The following MECOM variants were observed in gnomAD, a reference collection of about 807,000 sequenced individuals.
MECOM encodes the protein MDS1 and EVI1 complex locus, also known as histone-lysine N-methyltransferase MECOM.
A neutral mutation model predicts 116.3 loss-of-function variants in MECOM; 13 were observed. That is an observed-to-expected ratio of 0.11 (90% CI 0.07 to 0.18). MECOM has a LOEUF of 0.18. Ranked by LOEUF, MECOM falls within the 10% of genes least tolerant of loss-of-function variation. The pLI is 1.00. For synonymous variants in MECOM, 528 were observed against 535.2 expected (o/e 0.99, Z 0.19); for missense variants, 1,299 against 1,509.0 (o/e 0.86, Z 2.31).
At chr3:169,322,587 T>G (rs1387359722) in intron 2 of MECOM, among the ~76,000 whole-genome samples, 3 of 152,100 alleles carry the variant, frequency 2.0e-5, no homozygotes, top group African/African-American at 7.2e-5. Context: ...AGTGAAGGAC[T>G]ATACAGTTAA....
At chr3:169,415,541 A>G (rs1241052986) in intron 1 of MECOM, among the ~76,000 whole-genome samples, 2 of 152,194 alleles carry the variant, frequency 1.3e-5, no homozygotes, top group Non-Finnish European at 2.9e-5. Flanking sequence ...TATTAACCTT[A>G]AATGCAAACG....
rs1369873020 is a variant in MECOM, at chr3:169,249,023, A to G, written c.376-105191T>C. 4.6e-5 allele frequency among the ~76,000 whole-genome samples: 7 copies of G among 152,114 alleles called. No individual in the cohort carries two copies. In the South Asian group the frequency reaches 1.4e-3, roughly 32 times the overall value. ...TTATAGGCAGGGTTCCAGGCTCTCA[A>G]TCTCACCCAAATGCCCTACCTTCCA... is the stretch of plus-strand genomic sequence containing the variant. On this transcript the variant is annotated intron_variant, in intron 2 of 16. Transcript: ENST00000651503.
Position 169,598,245 on chromosome 3 carries a change from G to A in MECOM, c.37+65091C>T, listed in dbSNP as rs114945048. 5.5e-3 allele frequency among the ~76,000 whole-genome samples: 838 copies of A among 152,286 alleles called. 9 individuals are homozygous for A. Among genetic ancestry groups the A allele is most frequent in the African/African-American group, 0.019 (779 of 41,572 alleles). On this transcript the variant is annotated intron_variant, in intron 1 of 16. Coordinates refer to ENST00000651503, the MANE Select transcript of MECOM (RefSeq NM_004991.4). ...TAAAGGTATCCAATAAACAAGCAAT[G>A]TCCTTAAATAAACTTTAAAACCAGG...
chr3:169,581,670 T>A (rs555113659), intron 1 of MECOM, among the ~76,000 whole-genome samples: 44 of 152,262 alleles, frequency 2.9e-4, no homozygotes, highest in African/African-American at 1.0e-3. Flanking sequence ...TCTGGGGAGC[T>A]GGAGGTGCTT....
chr3:169,353,203 A>G (rs1726684354), intron 2 of MECOM, among the ~76,000 whole-genome samples: 1 of 151,962 alleles, frequency 6.6e-6, no homozygotes. Context: ...CCTCCAACTC[A>G]GTTATCTGGA....
intron 2 of MECOM, among the ~76,000 whole-genome samples, chr3:169,205,050 C>A (rs1559989825): frequency 6.6e-6 from 1 of 152,142 alleles, no homozygotes; most frequent in Non-Finnish European, 1.5e-5. Flanking sequence ...GGGTTTAAAT[C>A]ACTCCCTGTC....
Position 169,381,457 on chromosome 3 carries a change from T to A in MECOM, c.105A>T (p.Val35=). Residue 35 remains valine (V), a synonymous_variant, in exon 2 of 17, where the codon GTA becomes GTT. Coordinates refer to ENST00000651503, the MANE Select transcript of MECOM (RefSeq NM_004991.4). The part of the protein sequence containing the change: ...PLEEMPDADG[V]ASTPSLNIQE... ...GAATATTGAGGGAGGGAGTGCTGGC[T>A]ACTCCATCTGCATCTGGCATTTCTT... 1 of 1,613,682 alleles carries A rather than the reference T, an allele frequency of 6.2e-7. No homozygotes were observed. The highest frequency in any genetic ancestry group is 8.5e-7 in the Non-Finnish European group (1 of 1,179,736).
At chr3:169,379,509 T>C (rs543934325) in intron 2 of MECOM, among the ~76,000 whole-genome samples, 2 of 135,652 alleles carry the variant, frequency 1.5e-5, no homozygotes, top group Admixed American at 1.6e-4. Context: ...TATTTGCCAG[T>C]GTATATGTGG....
At chr3:169,594,669 C>G (rs1766915382) in intron 1 of MECOM, among the ~76,000 whole-genome samples, 1 of 151,518 alleles carries the variant, frequency 6.6e-6, no homozygotes, top group Non-Finnish European at 1.5e-5. Context: ...CAAGGGAGAT[C>G]CAGGCCCATC....
intron 1 of MECOM, among the ~76,000 whole-genome samples, chr3:169,426,741 G>A (rs1194022552): frequency 1.3e-5 from 2 of 152,178 alleles, no homozygotes; most frequent in Non-Finnish European, 2.9e-5. Flanking sequence ...TGCACGTGGA[G>A]CAGAGAAGAT....
intron 1 of MECOM, among the ~76,000 whole-genome samples, chr3:169,509,768 C>T (rs1755727694): frequency 6.6e-6 from 1 of 152,240 alleles, no homozygotes; most frequent in African/African-American, 2.4e-5. Context: ...TGCCAATGGG[C>T]ATTTAGGTTG....
At chr3:169,409,805 G>A (rs1345314517) in intron 1 of MECOM, among the ~76,000 whole-genome samples, 1 of 152,164 alleles carries the variant, frequency 6.6e-6, no homozygotes, top group Non-Finnish European at 1.5e-5. Flanking sequence ...TGAGACAGAA[G>A]AGCATGCATC....
chr3:169,116,995 C>A (rs1480571592), intron 7 of MECOM, among the ~76,000 whole-genome samples: 1 of 151,998 alleles, frequency 6.6e-6, no homozygotes, highest in Middle Eastern at 3.2e-3. Flanking sequence ...CCCCCTTGTG[C>A]AATATTTTGC....
intron 2 of MECOM, among the ~76,000 whole-genome samples, chr3:169,320,174 G>A (rs936672181): frequency 6.6e-6 from 1 of 152,176 alleles, no homozygotes; most frequent in African/African-American, 2.4e-5. Flanking sequence ...GTATGTGCCT[G>A]TTAGGTCTTT....
chr3:169,365,159 G>A (rs1728950708), intron 2 of MECOM, among the ~76,000 whole-genome samples: 1 of 151,916 alleles, frequency 6.6e-6, no homozygotes, highest in Non-Finnish European at 1.5e-5. Flanking sequence ...CAATCCTGGG[G>A]CTCAGTGTAA....
At chr3:169,417,127 A>C (rs891475916) in intron 1 of MECOM, among the ~76,000 whole-genome samples, 2 of 151,602 alleles carry the variant, frequency 1.3e-5, no homozygotes, top group African/African-American at 4.9e-5. Flanking sequence ...TAAACTAAAG[A>C]GCTTCTGCAC....
intron 1 of MECOM, among the ~76,000 whole-genome samples, chr3:169,433,649 G>GAA (rs752260657): frequency 9.1e-5 from 11 of 121,464 alleles, no homozygotes; most frequent in Admixed American, 3.5e-4. Context: ...GAGAAAGAAA[G>GAA]AAAGAAAGAA....
intron 2 of MECOM, chr3:169,146,819 C>G: frequency 9.2e-7 from 1 of 1,092,334 alleles, no homozygotes; most frequent in Non-Finnish European, 1.1e-6. Flanking sequence ...AACGCTCCTG[C>G]ACGAAAATCC....
chr3:169,411,576 A>G (rs1257707978), intron 1 of MECOM, among the ~76,000 whole-genome samples: 1 of 152,170 alleles, frequency 6.6e-6, no homozygotes, highest in East Asian at 1.9e-4. Flanking sequence ...ACTAATCCAA[A>G]TTGCATATTG....
Sources: allele counts gnomAD v4.1 joint callset (sites outside exome capture counted in the v4.1 genomes callset), GRCh38; gene constraint gnomAD v4.1.1; transcripts MANE v1.5; gene names NCBI Gene and HGNC (gene_info 2026-07-23, HGNC 2026-07-21).